Variants in PCCA observed in about 807,000 individuals in gnomAD.
PCCA encodes the protein propionyl-CoA carboxylase alpha chain, mitochondrial.
Under a neutral mutation model 101.3 loss-of-function variants are expected in PCCA, and 74 were observed. The ratio of observed to expected loss-of-function variants is 0.73; its 90% CI spans 0.61 to 0.89. PCCA has a LOEUF of 0.89. Among genes scored for constraint, PCCA ranks in the 40% least tolerant of loss-of-function variants. PCCA has a pLI of 0.00. For missense variants in PCCA, 891 were observed against 907.0 expected (o/e 0.98, Z 0.23); for synonymous variants, 294 against 313.6 (o/e 0.94, Z 0.66).
chr13:100,352,095 G>T (rs1168404794), intron 18 of PCCA, among the ~76,000 whole-genome samples: 2 of 152,020 alleles, frequency 1.3e-5, no homozygotes, highest in Admixed American at 1.3e-4. Context: ...AATAATAAAG[G>T]AATAGAGGGA....
intron 18 of PCCA, among the ~76,000 whole-genome samples, chr13:100,366,421 CTT>C (rs1418347431): frequency 1.3e-5 from 2 of 152,110 alleles, no homozygotes; most frequent in African/African-American, 4.8e-5. Flanking sequence ...TCCCTCATCT[CTT>C]TGTCTCCATC....
At chr13:100,093,509 GT>G (rs1330855877) in intron 1 of PCCA, among the ~76,000 whole-genome samples, 1 of 152,172 alleles carries the variant, frequency 6.6e-6, no homozygotes, top group Non-Finnish European at 1.5e-5. Flanking sequence ...CTCAGAAAGT[GT>G]TTGTGGAGCA....
chr13:100,333,034 G>A (rs549795058), intron 17 of PCCA, among the ~76,000 whole-genome samples: 3 of 152,136 alleles, frequency 2.0e-5, no homozygotes, highest in African/African-American at 7.2e-5. Flanking sequence ...TTCAATCAGG[G>A]TATGCTACAT....
intron 7 of PCCA, among the ~76,000 whole-genome samples, chr13:100,220,660 C>A (rs1181666469): frequency 6.6e-6 from 1 of 152,176 alleles, no homozygotes; most frequent in African/African-American, 2.4e-5. Flanking sequence ...TCTAATAGGT[C>A]TTCCTATTTC....
intron 4 of PCCA, among the ~76,000 whole-genome samples, chr13:100,151,606 C>T (rs1467518128): frequency 1.3e-5 from 2 of 150,622 alleles, no homozygotes; most frequent in African/African-American, 2.4e-5. Context: ...AAAAACCAAA[C>T]AAACAGAAAA....
chr13:100,292,657 AG>A (rs1286802642), intron 12 of PCCA, among the ~76,000 whole-genome samples: 2 of 152,240 alleles, frequency 1.3e-5, no homozygotes, highest in Non-Finnish European at 2.9e-5. Flanking sequence ...ACATCTGAAA[AG>A]ATGGCAAGCC....
intron 4 of PCCA, chr13:100,151,004 C>T (rs932284604): frequency 1.4e-5 from 22 of 1,529,832 alleles, no homozygotes; most frequent in Admixed American, 3.3e-5. Flanking sequence ...AGAGAGCTGG[C>T]GGTACTGCCA....
chr13:100,222,394 C>T (rs1167420090), intron 7 of PCCA, among the ~76,000 whole-genome samples: 1 of 152,032 alleles, frequency 6.6e-6, no homozygotes, highest in Non-Finnish European at 1.5e-5. Context: ...ATTTTTAATA[C>T]TAGTTTTATT....
At chr13:100,528,773 A>T (rs2088098406) in intron 23 of PCCA, among the ~76,000 whole-genome samples, 1 of 152,228 alleles carries the variant, frequency 6.6e-6, no homozygotes, top group Non-Finnish European at 1.5e-5. Context: ...TTACTTCTTT[A>T]AAAAGTGAAC....
chr13:100,375,699 G>A (rs896439233), intron 19 of PCCA, among the ~76,000 whole-genome samples: 6 of 152,276 alleles, frequency 3.9e-5, no homozygotes, highest in African/African-American at 9.6e-5. Context: ...ATACCAAATT[G>A]TAAAGTCCAT....
intron 7 of PCCA, among the ~76,000 whole-genome samples, chr13:100,221,685 T>C (rs1312131401): frequency 6.6e-6 from 1 of 152,120 alleles, no homozygotes; most frequent in Non-Finnish European, 1.5e-5. Context: ...CTGCAGGTTA[T>C]AGTTTCCAGA....
rs532661940 is a variant in PCCA at position 100,343,754 on chromosome 13, A to G, written c.1643+3495A>G. On this transcript the variant is annotated intron_variant, in intron 18 of 23. Transcript: ENST00000376285. ...CGAGAAGTGATATAAATGTATTACAATCTCATCAGACTATACAATTAAGAT... is the reference window on the plus strand; with the variant it reads ...CGAGAAGTGATATAAATGTATTACAGTCTCATCAGACTATACAATTAAGAT... Among the ~76,000 whole-genome samples, 31 of 152,366 alleles carry G rather than the reference A, an allele frequency of 2.0e-4. No homozygotes were observed. The South Asian group carries it at 3.3e-3, about 16-fold the overall frequency.
chr13:100,318,316 C>T (rs542160419), intron 16 of PCCA, among the ~76,000 whole-genome samples: 1 of 152,112 alleles, frequency 6.6e-6, no homozygotes, highest in South Asian at 2.1e-4. Flanking sequence ...CTTTTTGCAA[C>T]AGTGAAATCT....
At chr13:100,297,281 A>G (rs896387928) in intron 12 of PCCA, among the ~76,000 whole-genome samples, 1 of 152,190 alleles carries the variant, frequency 6.6e-6, no homozygotes, top group African/African-American at 2.4e-5. Context: ...TTGAGACTCT[A>G]TAAATAGCCA....
In PCCA at chr13:100,400,630, C is replaced by CTTTTTTTTTTT. The variant is rs1281449669; in HGVS notation, c.1747-24996_1747-24986dup. 3.0e-3 allele frequency among the ~76,000 whole-genome samples: 269 copies of CTTTTTTTTTTT among 90,876 alleles called. 6 individuals carry two copies. Among genetic ancestry groups the CTTTTTTTTTTT allele is most frequent in the African/African-American group, 0.012 (220 of 18,566 alleles). The allele number at this position is 90,876 out of a possible 152,430, so 59.6% of individuals were successfully genotyped here. A position where few individuals can be genotyped will look rare whatever the true frequency, so the allele number is the denominator to read the frequency against. ...TGATTGATCTTAGTTCTTTTTAGTTCTTTTTTTTTTTTTTTTTGAGAGTTT... is the reference window on the plus strand; with the variant it reads ...TGATTGATCTTAGTTCTTTTTAGTTCTTTTTTTTTTTTTTTTTTTTTTTTTTTTGAGAGTTT... On this transcript the variant is annotated intron_variant, in intron 19 of 23. Transcript: ENST00000376285.
At chr13:100,527,820 GGGT>G (rs1474960491) in intron 23 of PCCA, 68 bp downstream of exon 23, 1 of 1,199,872 alleles carries the variant, frequency 8.3e-7, no homozygotes, top group African/African-American at 1.5e-5. Flanking sequence ...TTTGAATCGT[GGGT>G]GGTTTGGCTG....
intron 12 of PCCA, among the ~76,000 whole-genome samples, chr13:100,293,796 T>C (rs1406413594): frequency 6.6e-6 from 1 of 152,220 alleles, no homozygotes; most frequent in Non-Finnish European, 1.5e-5. Flanking sequence ...CCTTATTATT[T>C]ACTGAACCTT....
At chr13:100,342,745 A>G (rs1005973401) in intron 18 of PCCA, among the ~76,000 whole-genome samples, 1 of 149,158 alleles carries the variant, frequency 6.7e-6, no homozygotes, top group Non-Finnish European at 1.5e-5. Context: ...TAGAGAGATG[A>G]AGTCTTGCTT....
chr13:100,319,353 G>T (rs1207457759), intron 16 of PCCA, among the ~76,000 whole-genome samples: 1 of 152,016 alleles, frequency 6.6e-6, no homozygotes, highest in Non-Finnish European at 1.5e-5. Context: ...GATCCCATTT[G>T]TCAATTTTGG....
Sources: gnomAD v4.1 joint callset for allele counts (sites outside exome capture counted in the v4.1 genomes callset) on GRCh38, gnomAD v4.1.1 for gene constraint, MANE v1.5 for transcripts, NCBI Gene and HGNC (gene_info 2026-07-23, HGNC 2026-07-21) for gene names.